Variants in ZNF697 observed in about 807,000 individuals in gnomAD.
ZNF697 encodes the protein zinc finger protein 697.
A neutral mutation model predicts 32.4 loss-of-function variants in ZNF697; 23 were observed. The observed-to-expected ratio is 0.71, with a 90% CI of 0.51 to 1.01. The LOEUF (loss-of-function observed/expected upper bound fraction) is 1.01. ZNF697 is among the 50% of genes least tolerant of loss of function. ZNF697 has a pLI of 0.00. For missense variants in ZNF697, 930 were observed against 794.0 expected, an observed-to-expected ratio of 1.17 and a Z score of -2.06; for synonymous variants, 418 against 337.2, an observed-to-expected ratio of 1.24 and a Z score of -2.62.
rs1393134074 is a variant in ZNF697, at chr1:119,621,081, T to A, written c.*1624A>T. The A allele has an allele frequency of 2.0e-5, 3 of 152,164 alleles. No homozygotes were observed. The highest frequency in any genetic ancestry group is 7.2e-5 in the African/African-American group (3 of 41,426). 9.4% of individuals were successfully genotyped at this position (152,164 alleles called of 1,614,324 possible). A position where few individuals can be genotyped will look rare whatever the true frequency, so the allele number is the denominator to read the frequency against. On this transcript the variant is annotated 3_prime_UTR_variant, in exon 3 of 3. Transcript: ENST00000421812. Reference sequence around the variant, plus strand: ...TCTAACTACAGCCCCTTACTAGAAATGGAACATAGCTAGGATACCCTAATT... The same window carrying A: ...TCTAACTACAGCCCCTTACTAGAAAAGGAACATAGCTAGGATACCCTAATT...
Position 119,625,872 on chromosome 1 carries a change from C to T in ZNF697, c.226+3G>A. ...TGCATAGAAATCCCAGCTTTCTCCTCACCTGTGCAGATGTCGGGCACTGCT... is the reference window on the plus strand; with the variant it reads ...TGCATAGAAATCCCAGCTTTCTCCTTACCTGTGCAGATGTCGGGCACTGCT... On this transcript the variant is annotated splice_donor_region_variant and intron_variant, in intron 2 of 2. Transcript: ENST00000421812. 3 of 1,613,448 alleles carry T rather than the reference C, an allele frequency of 1.9e-6. No homozygotes were observed. Among genetic ancestry groups the T allele is most frequent in the Non-Finnish European group, 2.5e-6 (3 of 1,179,846 alleles).
chr1:119,633,823 GAT>G (rs1180475953), intron 1 of ZNF697, among the ~76,000 whole-genome samples: 1 of 152,150 alleles, frequency 6.6e-6, no homozygotes, highest in East Asian at 1.9e-4. Context: ...ACTACATACA[GAT>G]AGTTGAATAG....
At chr1:119,645,121 A>G (rs181356618) in intron 1 of ZNF697, among the ~76,000 whole-genome samples, 1 of 152,316 alleles carries the variant, frequency 6.6e-6, no homozygotes, top group East Asian at 1.9e-4. Context: ...CTTTTTGTGA[A>G]TGTCCTTGTA....
Position 119,626,072 on chromosome 1 carries a change from C to T in ZNF697, c.29G>A (p.Cys10Tyr). Reference sequence around the variant, plus strand: ...TTTGTCTTCTGAGTCCTGGTGTGCACAGACACCCTGATTATCTTCTTGTTT... The same window carrying T: ...TTTGTCTTCTGAGTCCTGGTGTGCATAGACACCCTGATTATCTTCTTGTTT... MKQEDNQGV[C>Y]AHQDSEDKGM... is the part of the protein sequence containing the mutation. The change falls in exon 2 of 3, where the codon TGT (cysteine) becomes TAT (tyrosine). Residue 10 changes from cysteine to tyrosine, a missense_variant. By Grantham distance (194) the Cys-to-Tyr change is radical (BLOSUM62 -2). Coordinates refer to ENST00000421812, the MANE Select transcript of ZNF697 (RefSeq NM_001080470.2). 6.2e-7 allele frequency: 1 copy of T among 1,613,888 alleles called. No homozygotes were observed. Among genetic ancestry groups the T allele is most frequent in the East Asian group, 2.2e-5 (1 of 44,878 alleles).
Position 119,623,876 on chromosome 1 carries a change from T to G in ZNF697, c.467A>C (p.Asp156Ala), listed in dbSNP as rs1248028975. The G allele has an allele frequency of 6.5e-7, 1 of 1,542,278 alleles. No homozygotes were observed. Among genetic ancestry groups the G allele is most frequent in the Non-Finnish European group, 8.8e-7 (1 of 1,141,416 alleles). ...GTGGAAGCGGCGGTGGGCGGGCTTG[T>G]CACCTCGGTGCCGACTCCCCAGGGA... ...HLSLGSRHRG[D>A]KPAHRRFHRL... Residue 156 changes from aspartate (D) to alanine (A), a missense_variant, in exon 3 of 3, where the codon GAC becomes GCC. Physicochemically the swap from Asp to Ala is moderately radical, Grantham distance 126. Coordinates refer to ENST00000421812, the MANE Select transcript of ZNF697 (RefSeq NM_001080470.2).
At chr1:119,630,869 CA>C (rs796648790) in intron 1 of ZNF697, among the ~76,000 whole-genome samples, 14 of 145,352 alleles carry the variant, frequency 9.6e-5, no homozygotes, top group Admixed American at 2.7e-4. Flanking sequence ...GACCCCATCT[CA>C]AAAAAAAAAG....
In ZNF697 at chr1:119,622,228, G is replaced by A. The variant is rs1418900258; in HGVS notation, c.*477C>T. ...TCCCCTACTTTTTGTGAGACAACAG[G>A]TGATGTGTGGAGATCGGGCAAACTC... On this transcript the variant is annotated 3_prime_UTR_variant, in exon 3 of 3. Transcript: ENST00000421812. The A allele has an allele frequency of 6.5e-6, 1 of 154,924 alleles. No individual in the cohort carries two copies. The highest frequency in any genetic ancestry group is 6.5e-5 in the Admixed American group (1 of 15,394). The allele number at this position is 154,924 out of a possible 1,614,324, so 9.6% of individuals were successfully genotyped here.
intron 1 of ZNF697, among the ~76,000 whole-genome samples, chr1:119,636,376 C>G (rs1229686990): frequency 6.6e-6 from 1 of 151,974 alleles, no homozygotes; most frequent in Non-Finnish European, 1.5e-5. Context: ...TTATAAACCA[C>G]TATTACAAAG....
chr1:119,629,663 C>T (rs77684134), intron 1 of ZNF697, among the ~76,000 whole-genome samples: 2,691 of 152,300 alleles, frequency 0.018, 83 homozygotes, highest in African/African-American at 0.06. Context: ...ATGTTAGAGA[C>T]ACAATAAATG....
intron 1 of ZNF697, among the ~76,000 whole-genome samples, chr1:119,632,257 G>A (rs1320773197): frequency 1.3e-5 from 2 of 152,228 alleles, no homozygotes; most frequent in African/African-American, 4.8e-5. Context: ...AAACGTGGCA[G>A]GCGAACTTCC....
intron 1 of ZNF697, among the ~76,000 whole-genome samples, chr1:119,634,555 A>G (rs1372401033): frequency 1.2e-4 from 19 of 152,224 alleles, no homozygotes; most frequent in Admixed American, 1.2e-3. Flanking sequence ...ATTTGCATAC[A>G]CTTAAAAACA....
intron 1 of ZNF697, among the ~76,000 whole-genome samples, chr1:119,641,417 G>GGTGGGGAGAAAAT (rs1649070834): frequency 6.6e-6 from 1 of 152,122 alleles, no homozygotes; most frequent in Admixed American, 6.5e-5. Flanking sequence ...AAGAGTCACA[G>GGTGGGGAGAAAAT]GTGGGGAGAA....
chr1:119,622,733 G>A lies in ZNF697; in HGVS notation c.1610C>T (p.Ala537Val). ...ACACAGGTGCAGCTTCTGGTGCTGCGCGAGGTGCGTTTTATAGCGGAAGCC... is the reference window on the plus strand; with the variant it reads ...ACACAGGTGCAGCTTCTGGTGCTGCACGAGGTGCGTTTTATAGCGGAAGCC... The part of the protein sequence containing the change: ...GKGFRYKTHL[A>V]QHQKLHLC Residue 537 changes from alanine to valine, a missense_variant, in exon 3 of 3, where the codon GCG (alanine) becomes GTG (valine). Ala to Val is a moderately conservative substitution (Grantham distance 64, BLOSUM62 0). Transcript: ENST00000421812. 1 of 1,556,882 alleles carries A rather than the reference G, an allele frequency of 6.4e-7. No individual in the cohort carries two copies. The highest frequency in any genetic ancestry group is 8.7e-7 in the Non-Finnish European group (1 of 1,150,152).
chr1:119,631,223 A>G (rs587641833), intron 1 of ZNF697, among the ~76,000 whole-genome samples: 3 of 152,358 alleles, frequency 2.0e-5, no homozygotes, highest in African/African-American at 7.2e-5. Flanking sequence ...GCGGACCCCA[A>G]GCTGTCACGC....
rs1648305144 is a variant in ZNF697, at chr1:119,621,401, T to A, written c.*1304A>T. On this transcript the variant is annotated 3_prime_UTR_variant, in exon 3 of 3. Coordinates refer to ENST00000421812, the MANE Select transcript of ZNF697 (RefSeq NM_001080470.2). The stretch of plus-strand genomic sequence containing the variant: ...TGATGTGAGAAACAGCTAACAATTA[T>A]TAAAAAGCATAAAGCACTTTGCAAA... The A allele has an allele frequency of 6.6e-6, 1 of 152,648 alleles. No homozygotes were observed. The highest frequency in any genetic ancestry group is 1.5e-5 in the Non-Finnish European group (1 of 68,042). The allele number at this position is 152,648 out of a possible 1,614,324, so 9.5% of individuals were successfully genotyped here.
In ZNF697 at chr1:119,622,815, G is replaced by C; in HGVS notation, c.1528C>G (p.Arg510Gly). 1 of 1,598,872 alleles carries C rather than the reference G, an allele frequency of 6.3e-7. No individual in the cohort carries two copies. The highest frequency in any genetic ancestry group is 8.5e-7 in the Non-Finnish European group (1 of 1,171,872). ...KSFIQSSHLI[R>G]HRRIHTGNKP... The stretch of plus-strand genomic sequence containing the variant: ...TTGCCCGTGTGGATGCGGCGGTGGC[G>C]GATCAGGTGGGAGCTCTGGATAAAG... The change falls in exon 3 of 3, where the codon CGC becomes GGC. Residue 510 changes from arginine to glycine, a missense_variant. Transcript: ENST00000421812.
chr1:119,627,884 C>G (rs1402732973), intron 1 of ZNF697, among the ~76,000 whole-genome samples: 1 of 152,170 alleles, frequency 6.6e-6, no homozygotes, highest in East Asian at 1.9e-4. Context: ...TACTCCATGA[C>G]TACTGACCCC....
intron 1 of ZNF697, among the ~76,000 whole-genome samples, chr1:119,633,341 A>T (rs1648831666): frequency 6.7e-6 from 1 of 149,772 alleles, no homozygotes; most frequent in Non-Finnish European, 1.5e-5. Context: ...GGGTCCTCCT[A>T]AGAGAACCAA....
chr1:119,646,760 G>T (rs1309262510), intron 1 of ZNF697, among the ~76,000 whole-genome samples: 2 of 152,198 alleles, frequency 1.3e-5, no homozygotes, highest in Non-Finnish European at 2.9e-5. Flanking sequence ...CAGGTGAGGG[G>T]AGAAAGGAGA....
Sources: gnomAD v4.1 joint callset for allele counts (sites outside exome capture counted in the v4.1 genomes callset) on GRCh38, gnomAD v4.1.1 for gene constraint, MANE v1.5 for transcripts, NCBI Gene and HGNC (gene_info 2026-07-23, HGNC 2026-07-21) for gene names.